STK31: variants seen among roughly 807,000 people sequenced by gnomAD.
STK31 encodes the protein serine/threonine-protein kinase 31.
A neutral mutation model predicts 129.7 loss-of-function variants in STK31; 89 were observed. The observed-to-expected ratio is 0.69, with a 90% CI of 0.58 to 0.82. STK31 has a LOEUF of 0.82. Ranked by LOEUF, STK31 falls within the 40% of genes least tolerant of loss-of-function variation. The probability of loss-of-function intolerance (pLI) is 0.00; values close to 1 mark genes in which losing one functional copy is unlikely to be tolerated. For missense variants in STK31, 1,187 were observed against 1,176.4 expected, an observed-to-expected ratio of 1.01 and a Z score of -0.13; for synonymous variants, 448 against 395.3, an observed-to-expected ratio of 1.13 and a Z score of -1.58.
At chr7:23,812,647 C>A (rs985084098) in intron 22 of STK31, among the ~76,000 whole-genome samples, 2 of 151,900 alleles carry the variant, frequency 1.3e-5, no homozygotes, top group Non-Finnish European at 2.9e-5. Context: ...TAAGTAATTT[C>A]TCATACCCCA....
chr7:23,730,356 A>G (rs78227357), intron 6 of STK31, among the ~76,000 whole-genome samples: 1,709 of 152,302 alleles, frequency 0.011, 29 homozygotes, highest in African/African-American at 0.039. Context: ...TTTGTCTGCT[A>G]TGTAGTTACT....
chr7:23,772,450 A>G (rs1790259714), intron 15 of STK31, among the ~76,000 whole-genome samples, 172 bp downstream of exon 15: 1 of 152,188 alleles, frequency 6.6e-6, no homozygotes, highest in Non-Finnish European at 1.5e-5. Flanking sequence ...AATTGAGATT[A>G]CAGTAATAGT....
chr7:23,768,852 T>C (rs55744621), intron 11 of STK31, 143 bp from the exon 12 acceptor site: 82,178 of 645,836 alleles, frequency 0.13, 5,514 homozygotes, highest in Middle Eastern at 0.17. Context: ...TTCATCTCTA[T>C]CTGATGATTC....
At chr7:23,809,795 G>A (rs144872780) in intron 22 of STK31, among the ~76,000 whole-genome samples, 15 of 150,146 alleles carry the variant, frequency 1.0e-4, no homozygotes, top group South Asian at 2.1e-4. Flanking sequence ...ATTCAGTACC[G>A]TAACATACAA....
Position 23,824,960 on chromosome 7 carries a change from G to C in STK31, c.2830-7176G>C, listed in dbSNP as rs1262536173. Among the ~76,000 whole-genome samples the C allele has an allele frequency of 6.6e-5, 10 of 152,108 alleles. No individual in the cohort carries two copies. In the South Asian group the frequency reaches 2.1e-3, roughly 32 times the overall value. On this transcript the variant is annotated intron_variant, in intron 23 of 23. Coordinates refer to ENST00000355870, the MANE Select transcript of STK31 (RefSeq NM_031414.5). ...CCAGGGATGAAGCCCACTTGATCAT[G>C]GTGGGTAAGCTTTTTGATGTGTTGC...
chr7:23,809,466 C>CT (rs1792947287), intron 22 of STK31, among the ~76,000 whole-genome samples: 1 of 152,138 alleles, frequency 6.6e-6, no homozygotes, highest in Admixed American at 6.5e-5. Flanking sequence ...AATTTGAGCA[C>CT]TTACAAATTA....
At chr7:23,810,718 TATATATAAAATAG>T (rs368487466) in intron 22 of STK31, among the ~76,000 whole-genome samples, 57,819 of 120,504 alleles carry the variant, frequency 0.48, 14,386 homozygotes, top group Admixed American at 0.57. Flanking sequence ...ATAAAATAGA[TATATATAAAATAG>T]ATATATATAA....
intron 8 of STK31, among the ~76,000 whole-genome samples, chr7:23,738,755 C>T (rs1446321814): frequency 6.6e-6 from 1 of 152,034 alleles, no homozygotes; most frequent in Non-Finnish European, 1.5e-5. Flanking sequence ...GGGGTTTCAC[C>T]ATGTTGGCCA....
At chr7:23,822,651 G>A (rs900960477) in intron 23 of STK31, among the ~76,000 whole-genome samples, 7 of 151,896 alleles carry the variant, frequency 4.6e-5, no homozygotes, top group Non-Finnish European at 7.4e-5. Context: ...TGTGCACAAC[G>A]TGCAGGTTTG....
chr7:23,738,820 G>T (rs1584359462), intron 8 of STK31, among the ~76,000 whole-genome samples: 1 of 152,070 alleles, frequency 6.6e-6, no homozygotes, highest in African/African-American at 2.4e-5. Flanking sequence ...CAAAGTGCTG[G>T]GATTACAGGC....
chr7:23,806,225 C>T (rs1485364389), intron 22 of STK31, among the ~76,000 whole-genome samples: 3 of 152,146 alleles, frequency 2.0e-5, no homozygotes, highest in Admixed American at 6.5e-5. Flanking sequence ...AGGCTTGTCT[C>T]CTATGTGCTG....
chr7:23,725,194 A>G (rs900903938), intron 4 of STK31, among the ~76,000 whole-genome samples: 2 of 152,044 alleles, frequency 1.3e-5, no homozygotes, highest in African/African-American at 2.4e-5. Flanking sequence ...CATAAGGACC[A>G]CTTTTATTCC....
chr7:23,763,615 A>G (rs1584404810), intron 11 of STK31, among the ~76,000 whole-genome samples: 1 of 151,690 alleles, frequency 6.6e-6, no homozygotes, highest in African/African-American at 2.4e-5. Context: ...TTATCTTGTC[A>G]TTTCCTAGTT....
At chr7:23,755,171 G>A (rs1470166890) in intron 10 of STK31, 1 of 152,048 alleles carries the variant, frequency 6.6e-6, no homozygotes, top group Non-Finnish European at 1.5e-5. Flanking sequence ...ATTGTTTCCT[G>A]ACTTTAATGA....
At chr7:23,713,346 C>T (rs892380039) in intron 3 of STK31, among the ~76,000 whole-genome samples, 7 of 152,132 alleles carry the variant, frequency 4.6e-5, no homozygotes, top group African/African-American at 1.7e-4. Flanking sequence ...ATGGAGCTTG[C>T]AGGATTAGAA....
chr7:23,810,857 AATAT>A (rs1403610996), intron 22 of STK31, among the ~76,000 whole-genome samples: 184 of 141,078 alleles, frequency 1.3e-3, no homozygotes, highest in African/African-American at 4.3e-3. Context: ...AATATGTATA[AATAT>A]ATATTATATA....
chr7:23,737,119 A>G (rs1286408061), intron 8 of STK31, 41 bp downstream of exon 8: 2 of 1,514,650 alleles, frequency 1.3e-6, no homozygotes, highest in Non-Finnish European at 1.8e-6. Flanking sequence ...CCAACTGGGA[A>G]ATCTGTGTAC....
chr7:23,730,869 TATA>T (rs1426370455), intron 6 of STK31, among the ~76,000 whole-genome samples: 12 of 48,998 alleles, frequency 2.4e-4, no homozygotes, highest in African/African-American at 5.9e-4. Context: ...TATATATATA[TATA>T]TATATATTTT....
chr7:23,788,334 G>GCTAC (rs1449871887), intron 21 of STK31, among the ~76,000 whole-genome samples: 3 of 152,080 alleles, frequency 2.0e-5, no homozygotes, highest in Non-Finnish European at 4.4e-5. Context: ...AGTCTTAGGA[G>GCTAC]CTACCTGACA....
Sources: gnomAD v4.1 joint callset for allele counts (sites outside exome capture counted in the v4.1 genomes callset) on GRCh38, gnomAD v4.1.1 for gene constraint, MANE v1.5 for transcripts, NCBI Gene and HGNC (gene_info 2026-07-23, HGNC 2026-07-21) for gene names.